PRKRA: variants seen among roughly 807,000 people sequenced by gnomAD.
The protein encoded by PRKRA is protein activator of interferon induced protein kinase EIF2AK2, also known as interferon-inducible double-stranded RNA-dependent protein kinase activator A.
A neutral mutation model predicts 32.4 loss-of-function variants in PRKRA; 22 were observed. The observed-to-expected ratio is 0.68, with a 90% CI of 0.49 to 0.97. The LOEUF (loss-of-function observed/expected upper bound fraction) is 0.97. Ranked by LOEUF, PRKRA falls within the 50% of genes least tolerant of loss-of-function variation. PRKRA has a pLI of 0.00. For missense variants in PRKRA, 319 were observed against 375.6 expected (o/e 0.85, Z 1.25); for synonymous variants, 139 against 129.8 (o/e 1.07, Z -0.48).
chr2:178,445,740 GT>G (rs1697294374), intron 3 of PRKRA: 1 of 154,004 alleles, frequency 6.5e-6, no homozygotes, highest in African/African-American at 2.4e-5. Flanking sequence ...TCTTTTTTTT[GT>G]TTGTTTGGAG....
At chr2:178,444,953 G>T (rs933360803) in intron 3 of PRKRA, among the ~76,000 whole-genome samples, 15 of 152,296 alleles carry the variant, frequency 9.8e-5, no homozygotes, top group Admixed American at 6.5e-4. Context: ...TGTATTTAAA[G>T]AATACTCTGT....
chr2:178,450,737 C>T (rs1163746713), intron 1 of PRKRA: 2 of 1,363,570 alleles, frequency 1.5e-6, no homozygotes, highest in Admixed American at 6.9e-5. Context: ...GCCGACCGAG[C>T]GTCACCTCCG....
intron 6 of PRKRA, chr2:178,439,750 T>C (rs1379589231): frequency 6.6e-6 from 1 of 152,172 alleles, no homozygotes; most frequent in Non-Finnish European, 1.5e-5. Context: ...TTTTTATCAG[T>C]AATGATTGCT....
In PRKRA at chr2:178,446,775, C is replaced by T. The variant is rs973396235; in HGVS notation, c.317+730G>A. On this transcript the variant is annotated intron_variant, in intron 3 of 7. Coordinates refer to ENST00000325748, the MANE Select transcript of PRKRA (RefSeq NM_003690.5). ...TTGGGAGGCCGAGGCTGGCGGATCACGAGGTCAGGAGATCGAGACCATCCC... is the reference window on the plus strand; with the variant it reads ...TTGGGAGGCCGAGGCTGGCGGATCATGAGGTCAGGAGATCGAGACCATCCC... 1.8e-4 allele frequency among the ~76,000 whole-genome samples: 27 copies of T among 152,114 alleles called. 1 individual carries two copies. Among genetic ancestry groups the T allele is most frequent in the African/African-American group, 6.0e-4 (25 of 41,500 alleles).
rs1696655324 is a variant in PRKRA at position 178,431,659 on chromosome 2, C to T, written c.*438G>A. ...ATCATGTTCCCTGAAATTTAACAAT[C>T]AATCATACTTAATAAAGGCCTGTTA... On this transcript the variant is annotated 3_prime_UTR_variant, in exon 8 of 8. Transcript: ENST00000325748. 1.5e-5 allele frequency: 2 copies of T among 133,228 alleles called. No homozygotes were observed. Among genetic ancestry groups the T allele is most frequent in the Non-Finnish European group, 3.2e-5 (2 of 63,148 alleles). 8.3% of individuals were successfully genotyped at this position (133,228 alleles called of 1,614,324 possible).
chr2:178,441,297 G>T (rs553834122), intron 6 of PRKRA, among the ~76,000 whole-genome samples: 5 of 145,554 alleles, frequency 3.4e-5, no homozygotes, highest in African/African-American at 9.9e-5. Context: ...CTAAGTGAAT[G>T]AATGAACAAA....
intron 7 of PRKRA, among the ~76,000 whole-genome samples, chr2:178,434,847 A>G (rs563531404): frequency 1.2e-3 from 175 of 151,996 alleles, no homozygotes; most frequent in African/African-American, 4.0e-3. Context: ...TTGGCCAGGC[A>G]CGGTGGCTCA....
intron 4 of PRKRA, chr2:178,443,990 TTGTG>T (rs1197200201): frequency 1.1e-5 from 2 of 179,614 alleles, no homozygotes; most frequent in Non-Finnish European, 2.4e-5. Flanking sequence ...GTGTGTGTGT[TTGTG>T]TGTGTATAGA....
At chr2:178,449,820 TACAG>T (rs1027306233) in intron 2 of PRKRA, among the ~76,000 whole-genome samples, 26 of 152,236 alleles carry the variant, frequency 1.7e-4, no homozygotes, top group Admixed American at 6.5e-5. Flanking sequence ...AATGAGTCCA[TACAG>T]AGAGGAGAGA....
At chr2:178,444,713 C>A (rs1559357274) in intron 3 of PRKRA, among the ~76,000 whole-genome samples, 1 of 151,940 alleles carries the variant, frequency 6.6e-6, no homozygotes, top group Non-Finnish European at 1.5e-5. Flanking sequence ...ATCCTTTTAC[C>A]CCAGTGGTTT....
intron 6 of PRKRA, among the ~76,000 whole-genome samples, chr2:178,436,617 A>G (rs1305499660): frequency 6.6e-6 from 1 of 152,192 alleles, no homozygotes; most frequent in Non-Finnish European, 1.5e-5. Context: ...GAGGTACAAG[A>G]TATCTGGAAG....
Position 178,431,969 on chromosome 2 carries a change from A to C in PRKRA, c.*128T>G. ...ACTATGAGGAGATAATTAAATCTGG[A>C]GTGTTGATGGAATCTATGAAGAGAT... is the stretch of plus-strand genomic sequence containing the variant. On this transcript the variant is annotated 3_prime_UTR_variant, in exon 8 of 8. Coordinates refer to ENST00000325748, the MANE Select transcript of PRKRA (RefSeq NM_003690.5). 1 of 1,099,904 alleles carries C rather than the reference A, an allele frequency of 9.1e-7. No homozygotes were observed. The highest frequency in any genetic ancestry group is 1.3e-6 in the Non-Finnish European group (1 of 748,500). The allele number at this position is 1,099,904 out of a possible 1,614,324, so 68.1% of individuals were successfully genotyped here.
At chr2:178,441,804 G>C in intron 5 of PRKRA, 100 bp from the exon 6 acceptor site, 1 of 739,160 alleles carries the variant, frequency 1.4e-6, no homozygotes, top group Non-Finnish European at 2.1e-6. Context: ...AGAACCTCAC[G>C]GTTTTTATTA....
At chr2:178,444,370 A>G in intron 4 of PRKRA, 52 bp downstream of exon 4, 1 of 1,123,852 alleles carries the variant, frequency 8.9e-7, no homozygotes, top group Non-Finnish European at 1.2e-6. Flanking sequence ...CCCCTCTGAC[A>G]TTACAAACTT....
intron 2 of PRKRA, 80 bp downstream of exon 2, chr2:178,450,162 G>T: frequency 7.8e-7 from 1 of 1,288,954 alleles, no homozygotes; most frequent in Middle Eastern, 2.0e-4. Flanking sequence ...GGCAAAAAGA[G>T]AACTTTTCCG....
chr2:178,434,870 C>A (rs1044883356), intron 7 of PRKRA, among the ~76,000 whole-genome samples: 1 of 151,908 alleles, frequency 6.6e-6, no homozygotes, highest in African/African-American at 2.4e-5. Context: ...CCTGTAATCC[C>A]AGCACTTTGG....
chr2:178,432,002 C>G lies in PRKRA; in HGVS notation c.*95G>C. 1 of 1,374,324 alleles carries G rather than the reference C, an allele frequency of 7.3e-7. No individual in the cohort carries two copies. The highest frequency in any genetic ancestry group is 1.0e-6 in the Non-Finnish European group (1 of 980,548). 85.1% of individuals were successfully genotyped at this position (1,374,324 alleles called of 1,614,324 possible). ...TGGAATCTATGAAGAGATTTAGAAA[C>G]AAGACATAAACACTACGGTAAAAGT... On this transcript the variant is annotated 3_prime_UTR_variant, in exon 8 of 8. Transcript: ENST00000325748.
At chr2:178,441,774 G>C (rs1697124489) in intron 5 of PRKRA, 70 bp from the exon 6 acceptor site, 1 of 1,256,768 alleles carries the variant, frequency 8.0e-7, no homozygotes. Flanking sequence ...TCAAACGTAT[G>C]AAGTACTGTG....
chr2:178,432,426 C>A (rs1020026185), intron 7 of PRKRA, 172 bp from the exon 8 acceptor site: 85 of 774,068 alleles, frequency 1.1e-4, no homozygotes, highest in Non-Finnish European at 1.7e-4. Context: ...AACTGCTCAG[C>A]TGTAGCAGTT....
Sources: gnomAD v4.1 joint callset for allele counts (sites outside exome capture counted in the v4.1 genomes callset) on GRCh38, gnomAD v4.1.1 for gene constraint, MANE v1.5 for transcripts, NCBI Gene and HGNC (gene_info 2026-07-23, HGNC 2026-07-21) for gene names.